UIMC1: variants seen among roughly 807,000 people sequenced by gnomAD.
The protein encoded by UIMC1 is ubiquitin interaction motif containing 1.
A neutral mutation model predicts 84.9 loss-of-function variants in UIMC1; 42 were observed. That is an observed-to-expected ratio of 0.49 (90% confidence interval 0.39 to 0.64). The LOEUF (loss-of-function observed/expected upper bound fraction) is 0.64, where lower values mean the gene tolerates loss of function less well. Ranked by LOEUF, UIMC1 falls within the 30% of genes least tolerant of loss-of-function variation. The pLI is 0.00. For missense variants in UIMC1, 825 were observed against 847.6 expected (o/e 0.97, Z 0.33); for synonymous variants, 281 against 293.0 (o/e 0.96, Z 0.42).
chr5:177,013,853 T>C (rs1156302360), intron 1 of UIMC1, among the ~76,000 whole-genome samples: 1 of 152,100 alleles, frequency 6.6e-6, no homozygotes, highest in Non-Finnish European at 1.5e-5. Flanking sequence ...GTGACAACAT[T>C]TGTGAAGTGG....
intron 12 of UIMC1, 103 bp from the exon 13 acceptor site, chr5:176,907,280 G>A: frequency 8.8e-7 from 1 of 1,134,546 alleles, no homozygotes; most frequent in South Asian, 1.4e-5. Flanking sequence ...AAAAGGTGTG[G>A]GGGCCACAGC....
intron 9 of UIMC1, among the ~76,000 whole-genome samples, chr5:176,945,283 T>C (rs891391570): frequency 1.3e-5 from 2 of 152,222 alleles, no homozygotes; most frequent in Admixed American, 6.5e-5. Context: ...CCTCTGTTCA[T>C]AAATCTTAAA....
At chr5:176,906,357 A>G (rs1759377399) in intron 13 of UIMC1, among the ~76,000 whole-genome samples, 1 of 152,234 alleles carries the variant, frequency 6.6e-6, no homozygotes, top group Admixed American at 6.5e-5. Context: ...CTGGTGATCT[A>G]GAGACAGCAG....
intron 13 of UIMC1, 89 bp from the exon 14 acceptor site, chr5:176,906,136 C>G (rs1179431071): frequency 2.4e-6 from 3 of 1,255,136 alleles, no homozygotes; most frequent in Non-Finnish European, 3.4e-6. Context: ...GTGCTCTAGG[C>G]ACTGCTTCTC....
intron 1 of UIMC1, among the ~76,000 whole-genome samples, chr5:176,997,781 G>A (rs189859268): frequency 3.8e-4 from 56 of 148,378 alleles, no homozygotes; most frequent in Non-Finnish European, 6.0e-4. Context: ...AGTATGTCCC[G>A]TATTATCTGC....
At chr5:176,981,939 T>C (rs1019952819) in intron 2 of UIMC1, among the ~76,000 whole-genome samples, 2 of 152,240 alleles carry the variant, frequency 1.3e-5, no homozygotes, top group Non-Finnish European at 2.9e-5. Context: ...TTACAATCTT[T>C]ATTCCGGAGA....
chr5:176,984,227 A>G (rs1421737888), intron 1 of UIMC1, among the ~76,000 whole-genome samples: 44 of 73,578 alleles, frequency 6.0e-4, no homozygotes, highest in South Asian at 1.1e-3. Flanking sequence ...CGGCCGCCCC[A>G]TCTGGAAAGT....
chr5:176,986,359 C>CAGA (rs1289169135), intron 1 of UIMC1, among the ~76,000 whole-genome samples: 3 of 28,006 alleles, frequency 1.1e-4, no homozygotes, highest in African/African-American at 3.0e-4. Context: ...GACTTCATCT[C>CAGA]AAAAAAAAAA....
chr5:176,928,929 C>A (rs1762730623), intron 10 of UIMC1, among the ~76,000 whole-genome samples: 1 of 150,468 alleles, frequency 6.6e-6, no homozygotes, highest in African/African-American at 2.5e-5. Flanking sequence ...CCAACCTGGG[C>A]AACAGAGTGA....
At chr5:177,007,217 G>T (rs1198544185), upstream of UIMC1, among the ~76,000 whole-genome samples, 1 of 151,766 alleles carries the variant, frequency 6.6e-6, no homozygotes, top group Non-Finnish European at 1.5e-5. Flanking sequence ...GCGCGTGCGT[G>T]TAATAACAGC....
intron 6 of UIMC1, among the ~76,000 whole-genome samples, chr5:176,964,687 T>C (rs529537170): frequency 8.5e-5 from 13 of 152,288 alleles, no homozygotes; most frequent in African/African-American, 3.1e-4. Flanking sequence ...ATAGGTAATA[T>C]TCTTTAAACT....
At chr5:176,965,386 C>A (rs1768131446) in intron 6 of UIMC1, among the ~76,000 whole-genome samples, 1 of 151,088 alleles carries the variant, frequency 6.6e-6, no homozygotes. Context: ...TATGCCACTG[C>A]ACTCCAGCCT....
At chr5:176,930,642 T>A (rs902135640) in intron 10 of UIMC1, among the ~76,000 whole-genome samples, 3 of 152,266 alleles carry the variant, frequency 2.0e-5, no homozygotes, top group Non-Finnish European at 4.4e-5. Context: ...TAAATCCTTT[T>A]ACTTAACAGA....
chr5:176,972,667 C>G (rs1283624269), intron 3 of UIMC1, among the ~76,000 whole-genome samples: 2 of 151,972 alleles, frequency 1.3e-5, no homozygotes, highest in South Asian at 4.2e-4. Context: ...ACCCGGGAGG[C>G]GGAGGTTGCA....
intron 2 of UIMC1, among the ~76,000 whole-genome samples, chr5:176,979,645 G>A (rs1053243152): frequency 6.6e-6 from 1 of 151,790 alleles, no homozygotes. Flanking sequence ...AATTGGGAAG[G>A]GACACACTAA....
chr5:176,966,922 G>C (rs1369870144), intron 6 of UIMC1, among the ~76,000 whole-genome samples: 1 of 152,120 alleles, frequency 6.6e-6, no homozygotes, highest in African/African-American at 2.4e-5. Flanking sequence ...ATGGGTCTTA[G>C]ACATGTGAGA....
At chr5:176,923,442 T>A (rs1761946328) in intron 10 of UIMC1, among the ~76,000 whole-genome samples, 1 of 151,766 alleles carries the variant, frequency 6.6e-6, no homozygotes, top group Admixed American at 6.6e-5. Flanking sequence ...CCCAGCTACT[T>A]GGAAGGCTGA....
chr5:176,918,180 C>T (rs1019764302), intron 10 of UIMC1, among the ~76,000 whole-genome samples: 1 of 152,208 alleles, frequency 6.6e-6, no homozygotes, highest in African/African-American at 2.4e-5. Context: ...ATCCAAGCCT[C>T]CTCTGGCATA....
At chr5:177,018,121 T>C (rs186093117) in intron 1 of UIMC1, among the ~76,000 whole-genome samples, 1,629 of 152,012 alleles carry the variant, frequency 0.011, 11 homozygotes, top group South Asian at 0.025. Flanking sequence ...GAGGCCAAGG[T>C]GGTCAGACCA....
Sources: allele counts gnomAD v4.1 joint callset (sites outside exome capture counted in the v4.1 genomes callset), GRCh38; gene constraint gnomAD v4.1.1; transcripts MANE v1.5; gene names NCBI Gene and HGNC (gene_info 2026-07-23, HGNC 2026-07-21).